Variants in BCL2L14 observed in about 807,000 individuals in gnomAD.
The protein encoded by BCL2L14 is BCL2 like 14.
In BCL2L14, 27 loss-of-function variants were observed where a neutral mutation model predicts 35.3. The observed-to-expected ratio is 0.76, with a 90% CI of 0.56 to 1.05. BCL2L14 has a LOEUF of 1.05. Ranked by LOEUF, BCL2L14 falls within the 50% of genes least tolerant of loss-of-function variation. BCL2L14 has a pLI of 0.00. For missense variants in BCL2L14, 377 were observed against 382.6 expected (o/e 0.99, Z 0.12); for synonymous variants, 139 against 145.9 (o/e 0.95, Z 0.34).
chr12:12,069,014 A>G (rs979765773), upstream of BCL2L14, among the ~76,000 whole-genome samples: 8 of 152,190 alleles, frequency 5.3e-5, no homozygotes, highest in Non-Finnish European at 7.3e-5. Flanking sequence ...AGACATTGCC[A>G]TAACATTTGT....
chr12:12,059,787 C>A (rs1178092000), intron 2 of BCL2L14, among the ~76,000 whole-genome samples: 1 of 152,166 alleles, frequency 6.6e-6, no homozygotes, highest in Non-Finnish European at 1.5e-5. Flanking sequence ...TTCTGCAATG[C>A]CGCTTGACCC....
At chr12:12,096,174 C>T (rs892849080) in intron 5 of BCL2L14, 3 of 976,670 alleles carry the variant, frequency 3.1e-6, no homozygotes, top group South Asian at 9.5e-5. Context: ...TGATCAAATT[C>T]CCAATTGACT....
chr12:12,095,511 C>G, intron 5 of BCL2L14: 1 of 985,412 alleles, frequency 1.0e-6, no homozygotes, highest in Non-Finnish European at 1.2e-6. Context: ...AACCCTCTCC[C>G]ATCCCTCATC....
rs1385456211 is a variant in BCL2L14, at chr12:12,071,817, G to A, written c.-8+680G>A. 2.0e-5 allele frequency: 3 copies of A among 152,228 alleles called. No homozygotes were observed. The East Asian group carries it at 5.8e-4, about 29-fold the overall frequency. 9.4% of individuals were successfully genotyped at this position (152,228 alleles called of 1,614,324 possible). ...TTCAGCTTCTATTGTGGGAAGTTAA[G>A]GCACTTTCTCTCATTCCTCATTTCA... On this transcript the variant is annotated intron_variant, in intron 1 of 5. Transcript: ENST00000308721.
intron 1 of BCL2L14, among the ~76,000 whole-genome samples, chr12:12,074,560 T>TC (rs34276661): frequency 0.54 from 82,663 of 151,756 alleles, 22,736 homozygotes; most frequent in East Asian, 0.63. Flanking sequence ...AGCCTCAGCC[T>TC]CCCAAGTAGC....
At chr12:12,086,869 AG>A (rs1949056043) in intron 2 of BCL2L14, among the ~76,000 whole-genome samples, 1 of 152,244 alleles carries the variant, frequency 6.6e-6, no homozygotes, top group East Asian at 1.9e-4. Flanking sequence ...TAAAAATAAA[AG>A]CATAATGAGC....
Position 12,079,747 on chromosome 12 carries a change from C to A in BCL2L14, c.433+9C>A. ...GTGCTTGGAGCATGAAGGTAGGCAT[C>A]TGGGATTTCTTTCTCTCCCGCTTCC... On this transcript the variant is annotated intron_variant, in intron 2 of 5. Coordinates refer to ENST00000308721, the MANE Select transcript of BCL2L14 (RefSeq NM_138723.2). 1 of 1,605,872 alleles carries A rather than the reference C, an allele frequency of 6.2e-7. No individual in the cohort carries two copies. The highest frequency in any genetic ancestry group is 8.5e-7 in the Non-Finnish European group (1 of 1,175,634).
intron 1 of BCL2L14, 52 bp downstream of exon 1, chr12:12,071,189 G>C (rs1948664419): frequency 6.6e-6 from 1 of 152,210 alleles, no homozygotes; most frequent in Non-Finnish European, 1.5e-5. Context: ...GGAGGACACA[G>C]CCTGGTCTTT....
At position 12,061,119 on chromosome 12, in the gene BCL2L14, A is replaced by T. The variant is rs1430803199; in HGVS notation, c.-272+9272A>T. On this transcript the variant is annotated intron_variant, in intron 2 of 3. Coordinates refer to the BCL2L14 transcript ENST00000461264. Reference sequence around the variant, plus strand: ...CTCTTTTAAGCACTCCTTTTTAGTTATCCCCACCTGCCCAGTTCCCTTATT... The same window carrying T: ...CTCTTTTAAGCACTCCTTTTTAGTTTTCCCCACCTGCCCAGTTCCCTTATT... Among the ~76,000 whole-genome samples the T allele has an allele frequency of 1.5e-4, 18 of 123,892 alleles. 1 individual carries two copies. Among genetic ancestry groups the T allele is most frequent in the Non-Finnish European group, 3.3e-5 (2 of 60,082 alleles). 81.3% of individuals were successfully genotyped at this position (123,892 alleles called of 152,430 possible).
chr12:12,071,219 C>G (rs1447082093), intron 1 of BCL2L14, 82 bp downstream of exon 1: 1 of 152,194 alleles, frequency 6.6e-6, no homozygotes, highest in Non-Finnish European at 1.5e-5. Flanking sequence ...CCAAATGAGG[C>G]AGTCTAATTC....
chr12:12,059,246 T>C (rs1043746022), intron 2 of BCL2L14, among the ~76,000 whole-genome samples: 2 of 151,804 alleles, frequency 1.3e-5, no homozygotes, highest in Non-Finnish European at 3.0e-5. Flanking sequence ...GTCCCGCTTT[T>C]CTGGGGGAGG....
chr12:12,074,958 C>T (rs1948747101), intron 1 of BCL2L14, among the ~76,000 whole-genome samples: 1 of 135,230 alleles, frequency 7.4e-6, no homozygotes, highest in Admixed American at 7.9e-5. Flanking sequence ...ATCAATACTT[C>T]CTTAATATCA....
At chr12:12,087,655 G>A (rs1047897217) in intron 3 of BCL2L14, among the ~76,000 whole-genome samples, 2 of 152,246 alleles carry the variant, frequency 1.3e-5, no homozygotes, top group Non-Finnish European at 2.9e-5. Flanking sequence ...CACAAAGCCC[G>A]CATTCAGCCT....
At chr12:12,059,581 C>T (rs1459948082) in intron 2 of BCL2L14, among the ~76,000 whole-genome samples, 8 of 151,904 alleles carry the variant, frequency 5.3e-5, no homozygotes, top group Middle Eastern at 3.4e-3. Context: ...CTGTGCCTGA[C>T]CCCTTCTCTG....
upstream of BCL2L14, among the ~76,000 whole-genome samples, chr12:12,066,858 C>T (rs891972804): frequency 6.6e-6 from 1 of 151,838 alleles, no homozygotes; most frequent in Non-Finnish European, 1.5e-5. Context: ...CTACAGGCGC[C>T]CACCACCATG....
chr12:12,075,399 GAT>G (rs1157333911), intron 1 of BCL2L14, among the ~76,000 whole-genome samples: 1 of 138,268 alleles, frequency 7.2e-6, no homozygotes, highest in Admixed American at 7.7e-5. Flanking sequence ...TGCCCTGCCT[GAT>G]ATGTTTCTAT....
chr12:12,088,928 G>A (rs1339477215), intron 3 of BCL2L14, among the ~76,000 whole-genome samples: 1 of 152,176 alleles, frequency 6.6e-6, no homozygotes, highest in East Asian at 1.9e-4. Context: ...ACATGGGCTT[G>A]GGAGATGGAA....
intron 2 of BCL2L14, among the ~76,000 whole-genome samples, chr12:12,062,546 A>C (rs1209295528): frequency 1.3e-5 from 2 of 151,344 alleles, no homozygotes; most frequent in African/African-American, 2.4e-5. Flanking sequence ...GGGATTATTC[A>C]GGTCCCCTCC....
chr12:12,088,056 A>G (rs1211893505), intron 3 of BCL2L14, among the ~76,000 whole-genome samples: 3 of 152,176 alleles, frequency 2.0e-5, no homozygotes, highest in Non-Finnish European at 2.9e-5. Flanking sequence ...GGAGGTTGTG[A>G]TGACGCAGCC....
Sources: allele counts gnomAD v4.1 joint callset (sites outside exome capture counted in the v4.1 genomes callset), GRCh38; gene constraint gnomAD v4.1.1; transcripts MANE v1.5; gene names NCBI Gene and HGNC (gene_info 2026-07-23, HGNC 2026-07-21).